Variants in VPS13B observed in about 807,000 individuals in gnomAD.
VPS13B encodes vacuolar protein sorting 13 homolog B, also known as intermembrane lipid transfer protein VPS13B.
Under a neutral mutation model 426.4 loss-of-function variants are expected in VPS13B, and 285 were observed. The observed-to-expected ratio is 0.67, with a 90% CI of 0.61 to 0.74. VPS13B has a LOEUF of 0.74. VPS13B is among the 30% of genes least tolerant of loss of function. VPS13B has a pLI of 0.00. For missense variants in VPS13B, 4,537 were observed against 4,782.6 expected (o/e 0.95, Z 1.51); for synonymous variants, 1,676 against 1,676.4 (o/e 1.00, Z 0.01).
intron 28 of VPS13B, among the ~76,000 whole-genome samples, chr8:99,508,843 T>C (rs989527297): frequency 2.0e-5 from 3 of 152,064 alleles, no homozygotes; most frequent in Non-Finnish European, 4.4e-5. Flanking sequence ...AAAAATGATA[T>C]TTATATTACC....
At chr8:99,869,207 T>C (rs1438052738) in intron 59 of VPS13B, among the ~76,000 whole-genome samples, 1 of 152,230 alleles carries the variant, frequency 6.6e-6, no homozygotes, top group Non-Finnish European at 1.5e-5. Flanking sequence ...ATCATTTTGG[T>C]AATGAAGCAG....
chr8:99,542,563 G>C (rs1823681701), intron 30 of VPS13B, among the ~76,000 whole-genome samples: 1 of 152,174 alleles, frequency 6.6e-6, no homozygotes, highest in Admixed American at 6.5e-5. Flanking sequence ...GGGGCATAAT[G>C]AGAGAGATGT....
chr8:99,160,766 T>G (rs1417333242), intron 15 of VPS13B, among the ~76,000 whole-genome samples: 1 of 152,062 alleles, frequency 6.6e-6, no homozygotes, highest in Non-Finnish European at 1.5e-5. Flanking sequence ...TTTGAAGTTA[T>G]AAAGTTTTTA....
At chr8:99,397,026 T>C (rs1814760485) in intron 21 of VPS13B, among the ~76,000 whole-genome samples, 1 of 152,236 alleles carries the variant, frequency 6.6e-6, no homozygotes, top group African/African-American at 2.4e-5. Context: ...TCTTGAAATC[T>C]TAAAAAGTAC....
intron 31 of VPS13B, 129 bp downstream of exon 31, chr8:99,556,782 T>G: frequency 9.8e-7 from 1 of 1,016,680 alleles, no homozygotes; most frequent in Non-Finnish European, 1.5e-6. Flanking sequence ...ATTATAAGCA[T>G]AAAAAATATT....
chr8:99,672,808 G>T (rs1332673032), intron 35 of VPS13B, among the ~76,000 whole-genome samples: 2 of 151,948 alleles, frequency 1.3e-5, no homozygotes, highest in Admixed American at 1.3e-4. Flanking sequence ...TTGTGTTGTG[G>T]TATGTTCCTT....
intron 58 of VPS13B, among the ~76,000 whole-genome samples, chr8:99,866,213 A>G (rs1817091064): frequency 6.6e-6 from 1 of 152,250 alleles, no homozygotes; most frequent in Non-Finnish European, 1.5e-5. Flanking sequence ...ATGACAGTCC[A>G]TAATTTACCA....
rs192694578 is a variant in VPS13B, at chr8:99,262,837, A to G, written c.2516-11361A>G. On this transcript the variant is annotated intron_variant, in intron 17 of 61. Coordinates refer to ENST00000357162, the MANE Select transcript of VPS13B (RefSeq NM_152564.5). ...GGTCTGGCTTTGTTGCTCAGGCAAG[A>G]GGGTAGTGGTATGACCATGACGCAC... 6.4e-3 allele frequency among the ~76,000 whole-genome samples: 976 copies of G among 152,036 alleles called. 14 individuals are homozygous for G. Among genetic ancestry groups the G allele is most frequent in the African/African-American group, 0.022 (930 of 41,452 alleles).
At chr8:99,836,142 T>C (rs929782689) in intron 54 of VPS13B, among the ~76,000 whole-genome samples, 5 of 152,310 alleles carry the variant, frequency 3.3e-5, no homozygotes, top group African/African-American at 1.2e-4. Context: ...TTAAAATTAG[T>C]AAAACCCCAC....
intron 24 of VPS13B, among the ~76,000 whole-genome samples, chr8:99,476,181 T>C (rs1158047290): frequency 6.6e-6 from 1 of 152,212 alleles, no homozygotes. Flanking sequence ...TGTAGCAACA[T>C]TCCTGAAGAG....
intron 25 of VPS13B, among the ~76,000 whole-genome samples, chr8:99,494,248 C>T (rs1215725915): frequency 6.6e-6 from 1 of 152,018 alleles, no homozygotes; most frequent in African/African-American, 2.4e-5. Context: ...ACAACAGTCT[C>T]CAGTATTTTT....
chr8:99,429,270 T>C (rs1588369185), intron 21 of VPS13B, among the ~76,000 whole-genome samples: 1 of 145,170 alleles, frequency 6.9e-6, no homozygotes, highest in African/African-American at 2.6e-5. Flanking sequence ...CCCTAAAACT[T>C]AAAGTATAAT....
intron 43 of VPS13B, among the ~76,000 whole-genome samples, chr8:99,787,535 A>C (rs1812328821): frequency 6.6e-6 from 1 of 152,176 alleles, no homozygotes; most frequent in Non-Finnish European, 1.5e-5. Flanking sequence ...ATTCCAATTC[A>C]GTAGACTTTA....
At chr8:99,324,442 T>G (rs1810135832) in intron 19 of VPS13B, among the ~76,000 whole-genome samples, 1 of 152,194 alleles carries the variant, frequency 6.6e-6, no homozygotes, top group Non-Finnish European at 1.5e-5. Flanking sequence ...GTGTTCCTCT[T>G]CCCATTTAAT....
At chr8:99,114,846 T>G (rs1378160111) in intron 6 of VPS13B, among the ~76,000 whole-genome samples, 1 of 152,236 alleles carries the variant, frequency 6.6e-6, no homozygotes, top group Admixed American at 6.5e-5. Context: ...ATAAACCTTC[T>G]AAGAGACTTG....
Position 99,853,130 on chromosome 8 carries a change from T to C in VPS13B, c.10062-321T>C, listed in dbSNP as rs550247206. On this transcript the variant is annotated intron_variant, in intron 55 of 61. Coordinates refer to ENST00000357162, the MANE Select transcript of VPS13B (RefSeq NM_152564.5). ...TCTCAGTTACTTTATTATCTCTTTCTGTCTTGTGATCATCATGATAGAGAA... is the reference window on the plus strand; with the variant it reads ...TCTCAGTTACTTTATTATCTCTTTCCGTCTTGTGATCATCATGATAGAGAA... 1.2e-4 allele frequency among the ~76,000 whole-genome samples: 18 copies of C among 152,338 alleles called. No homozygotes were observed. In the East Asian group the frequency reaches 2.1e-3, roughly 18 times the overall value.
At chr8:99,184,182 T>C (rs765565468) in intron 16 of VPS13B, among the ~76,000 whole-genome samples, 7 of 152,230 alleles carry the variant, frequency 4.6e-5, no homozygotes, top group African/African-American at 7.2e-5. Flanking sequence ...AATGCTGCCA[T>C]GAACATGTAG....
chr8:99,218,550 G>A (rs1445930038), intron 17 of VPS13B, among the ~76,000 whole-genome samples: 2 of 152,138 alleles, frequency 1.3e-5, no homozygotes, highest in African/African-American at 2.4e-5. Context: ...ATTAGATAGC[G>A]AACATGGAAT....
At chr8:99,073,222 A>T (rs1844933424) in intron 3 of VPS13B, among the ~76,000 whole-genome samples, 1 of 152,158 alleles carries the variant, frequency 6.6e-6, no homozygotes, top group African/African-American at 2.4e-5. Context: ...AGTCTTTTGT[A>T]GTTCCAGATT....
Sources: gnomAD v4.1 joint callset for allele counts (sites outside exome capture counted in the v4.1 genomes callset) on GRCh38, gnomAD v4.1.1 for gene constraint, MANE v1.5 for transcripts, NCBI Gene and HGNC (gene_info 2026-07-23, HGNC 2026-07-21) for gene names.